Variants in COL5A2 observed in about 807,000 individuals in gnomAD.
COL5A2 encodes collagen alpha-2(V) chain.
In COL5A2, 23 loss-of-function variants were observed where a neutral mutation model predicts 208.2. The observed-to-expected ratio is 0.11, with a 90% confidence interval of 0.08 to 0.16. COL5A2 has a LOEUF of 0.16. Ranked by LOEUF, COL5A2 falls within the 10% of genes least tolerant of loss-of-function variation. The pLI is 1.00. For missense variants in COL5A2, 1,590 were observed against 1,956.4 expected (o/e 0.81, Z 3.53); for synonymous variants, 625 against 628.5 (o/e 0.99, Z 0.08).
chr2:189,084,459 A>G (rs948492802), intron 11 of COL5A2, among the ~76,000 whole-genome samples: 14 of 152,216 alleles, frequency 9.2e-5, no homozygotes, highest in African/African-American at 3.4e-4. Flanking sequence ...AAAAGAAAAG[A>G]CTATCAGAAA....
intron 1 of COL5A2, among the ~76,000 whole-genome samples, chr2:189,220,841 C>T (rs1689339849): frequency 6.6e-6 from 1 of 152,184 alleles, no homozygotes; most frequent in South Asian, 2.1e-4. Flanking sequence ...CCCCATCACT[C>T]GTACCCTGAT....
At chr2:189,259,492 T>C in the COL5A2 span, among the ~76,000 whole-genome samples, 6 of 152,230 alleles carry the variant, frequency 3.9e-5, no homozygotes, top group African/African-American at 1.4e-4. Context: ...TTTGTAAGTT[T>C]AGGGAATATG....
the COL5A2 span, among the ~76,000 whole-genome samples, chr2:189,331,973 C>T: frequency 2.0e-5 from 3 of 147,204 alleles, no homozygotes; most frequent in African/African-American, 5.0e-5. Flanking sequence ...AAACTGGTGA[C>T]AATAAGGAAG....
the COL5A2 span, among the ~76,000 whole-genome samples, chr2:189,254,409 C>T: frequency 9.9e-5 from 15 of 152,176 alleles, no homozygotes; most frequent in African/African-American, 3.4e-4. Context: ...AAGGCTGCTA[C>T]GGCCAGTGAT....
the COL5A2 span, among the ~76,000 whole-genome samples, chr2:189,437,395 A>T: frequency 6.6e-6 from 1 of 152,198 alleles, no homozygotes; most frequent in Non-Finnish European, 1.5e-5. Context: ...GAGTTTCTGC[A>T]TTTCTAACAA....
intron 1 of COL5A2, among the ~76,000 whole-genome samples, chr2:189,188,179 A>T (rs1350180125): frequency 6.6e-6 from 1 of 152,160 alleles, no homozygotes; most frequent in Non-Finnish European, 1.5e-5. Flanking sequence ...TATACAATGT[A>T]TACAATAATG....
the COL5A2 span, among the ~76,000 whole-genome samples, chr2:189,385,756 T>C: frequency 6.6e-6 from 1 of 152,090 alleles, no homozygotes; most frequent in Non-Finnish European, 1.5e-5. Context: ...CAAAACAGCA[T>C]GGTACAGGTA....
chr2:189,105,961 G>A (rs925680968), intron 2 of COL5A2, among the ~76,000 whole-genome samples: 3 of 151,260 alleles, frequency 2.0e-5, no homozygotes, highest in African/African-American at 7.3e-5. Context: ...ATCTGACCAT[G>A]TATATTTGGA....
intron 45 of COL5A2, among the ~76,000 whole-genome samples, chr2:189,047,451 A>G (rs1366571905): frequency 6.6e-6 from 1 of 152,118 alleles, no homozygotes; most frequent in East Asian, 1.9e-4. Flanking sequence ...CCTGTAGTGG[A>G]GTGTTTAAAC....
At chr2:189,216,391 A>T (rs905988871) in intron 1 of COL5A2, among the ~76,000 whole-genome samples, 3 of 151,984 alleles carry the variant, frequency 2.0e-5, no homozygotes, top group Non-Finnish European at 2.9e-5. Context: ...TTATTCAACA[A>T]CTCACTAACT....
chr2:189,296,865 T>C, the COL5A2 span, among the ~76,000 whole-genome samples: 1 of 152,128 alleles, frequency 6.6e-6, no homozygotes, highest in Non-Finnish European at 1.5e-5. Flanking sequence ...GTAAGCAAAA[T>C]AGTTGACGAG....
At chr2:189,319,913 C>A in the COL5A2 span, among the ~76,000 whole-genome samples, 1 of 152,202 alleles carries the variant, frequency 6.6e-6, no homozygotes, top group Non-Finnish European at 1.5e-5. Context: ...GAGGCACCCC[C>A]CCAGTAGGGG....
chr2:189,272,606 C>T, the COL5A2 span, among the ~76,000 whole-genome samples: 8 of 152,170 alleles, frequency 5.3e-5, no homozygotes, highest in East Asian at 3.9e-4. Context: ...CACATGTATA[C>T]GTATGTAACA....
chr2:189,354,758 A>AT, the COL5A2 span, among the ~76,000 whole-genome samples: 16 of 151,686 alleles, frequency 1.1e-4, no homozygotes, highest in Admixed American at 2.6e-4. Flanking sequence ...TTTTTGAAGG[A>AT]TTTTTTGTGT....
intron 1 of COL5A2, among the ~76,000 whole-genome samples, chr2:189,198,890 A>C (rs937309883): frequency 3.9e-5 from 6 of 152,192 alleles, no homozygotes; most frequent in Admixed American, 2.6e-4. Context: ...GAAGCAAGAG[A>C]AAGTTGATAA....
the COL5A2 span, among the ~76,000 whole-genome samples, chr2:189,236,079 A>G: frequency 6.6e-6 from 1 of 151,514 alleles, no homozygotes; most frequent in African/African-American, 2.4e-5. Flanking sequence ...TGTTGTCACA[A>G]CTTGCTGTTC....
intron 51 of COL5A2, 47 bp downstream of exon 51, chr2:189,039,225 C>T (rs746600817): frequency 1.2e-6 from 2 of 1,607,994 alleles, no homozygotes; most frequent in Non-Finnish European, 1.7e-6. Context: ...TGAGAATAAA[C>T]AATCAGAAAC....
chr2:189,082,691 G>A (rs1686561669), intron 12 of COL5A2, among the ~76,000 whole-genome samples: 2 of 152,206 alleles, frequency 1.3e-5, no homozygotes, highest in Admixed American at 6.5e-5. Flanking sequence ...ACCCAGGACT[G>A]TCATTACAGT....
the COL5A2 span, among the ~76,000 whole-genome samples, chr2:189,425,749 A>C: frequency 1.3e-5 from 2 of 152,158 alleles, no homozygotes; most frequent in African/African-American, 4.8e-5. Flanking sequence ...CATCCCCCTG[A>C]TGCTGTTCTC....
Sources: gnomAD v4.1 joint callset for allele counts (sites outside exome capture counted in the v4.1 genomes callset) on GRCh38, gnomAD v4.1.1 for gene constraint, MANE v1.5 for transcripts, NCBI Gene and HGNC (gene_info 2026-07-23, HGNC 2026-07-21) for gene names.